EFCAB6: variants seen among roughly 807,000 people sequenced by gnomAD.
EFCAB6 encodes EF-hand calcium binding domain 6, also known as EF-hand calcium-binding domain-containing protein 6.
In EFCAB6, 156 loss-of-function variants were observed where a neutral mutation model predicts 169.8. The ratio of observed to expected loss-of-function variants is 0.92; its 90% CI spans 0.81 to 1.05. The LOEUF (loss-of-function observed/expected upper bound fraction) is 1.05. Ranked by LOEUF, EFCAB6 falls within the 50% of genes least tolerant of loss-of-function variation. EFCAB6 has a pLI of 0.00. For missense variants in EFCAB6, 1,800 were observed against 1,829.1 expected (o/e 0.98, Z 0.29); for synonymous variants, 698 against 676.4 (o/e 1.03, Z -0.50).
chr22:43,635,052 AGT>A, intron 18 of EFCAB6, 48 bp downstream of exon 18: 1 of 1,472,368 alleles, frequency 6.8e-7, no homozygotes, highest in Non-Finnish European at 9.5e-7. Context: ...AAAGACATGC[AGT>A]GTCACCCAGG....
rs1203998351 is a variant in EFCAB6, at chr22:43,558,886, G to A, written c.3421-3790C>T. On this transcript the variant is annotated intron_variant, in intron 26 of 31. Coordinates refer to ENST00000262726, the MANE Select transcript of EFCAB6 (RefSeq NM_022785.4). The stretch of plus-strand genomic sequence containing the variant: ...CTCATTTTATTGCGATATTTGCTTT[G>A]CTACGGTCTGGAACCAAACCTGCAA... Among the ~76,000 whole-genome samples, 3 of 152,062 alleles carry A rather than the reference G, an allele frequency of 2.0e-5. No homozygotes were observed. The East Asian group carries it at 5.8e-4, about 29-fold the overall frequency.
chr22:43,698,619 G>A (rs2058663164), intron 10 of EFCAB6, among the ~76,000 whole-genome samples: 2 of 152,222 alleles, frequency 1.3e-5, no homozygotes. Flanking sequence ...CTCCATTACA[G>A]AGTTGGCTAA....
chr22:43,750,521 T>C (rs2071749805), intron 6 of EFCAB6, among the ~76,000 whole-genome samples: 1 of 152,198 alleles, frequency 6.6e-6, no homozygotes, highest in African/African-American at 2.4e-5. Context: ...CCTGCTACAA[T>C]AGGCAATTAA....
intron 21 of EFCAB6, among the ~76,000 whole-genome samples, chr22:43,614,624 C>A (rs2053566150): frequency 6.6e-6 from 1 of 152,192 alleles, no homozygotes; most frequent in African/African-American, 2.4e-5. Flanking sequence ...CTTTCCTTAC[C>A]CTGAACCTAG....
chr22:43,743,977 GGATA>G lies in EFCAB6; in HGVS notation c.508-7988_508-7985del, dbSNP rs368546300. Among the ~76,000 whole-genome samples, 52 of 151,478 alleles carry G rather than the reference GGATA, an allele frequency of 3.4e-4. 1 individual carries two copies. Among genetic ancestry groups the G allele is most frequent in the Middle Eastern group, 3.4e-3 (1 of 292 alleles). On this transcript the variant is annotated intron_variant, in intron 6 of 31. Transcript: ENST00000262726. The stretch of plus-strand genomic sequence containing the variant: ...GTGAACGGATGGGTGGGTGGATGAT[GGATA>G]GATAGGTAAATGGATGAATGAATGG...
rs376039905 is a variant in EFCAB6 at position 43,528,904 on chromosome 22, C to T, written c.4455G>A (p.Thr1485=). The change falls in exon 32 of 32, where the codon ACG becomes ACA. Residue 1485 remains threonine (T), a synonymous_variant. Coordinates refer to ENST00000262726, the MANE Select transcript of EFCAB6 (RefSeq NM_022785.4). Reference sequence around the variant, plus strand: ...CGTTGTAGGAGATTTTTGAAGACAGCGTCTTATCGTAATACTCCAGAATAT... The same window carrying T: ...CGTTGTAGGAGATTTTTGAAGACAGTGTCTTATCGTAATACTCCAGAATAT... ...FFHILEYYDK[T]LSSKISYNDF... The T allele has an allele frequency of 1.9e-5, 30 of 1,610,972 alleles. No homozygotes were observed. The highest frequency in any genetic ancestry group is 2.7e-5 in the African/African-American group (2 of 74,882).
intron 17 of EFCAB6, among the ~76,000 whole-genome samples, chr22:43,653,675 A>C (rs2056594546): frequency 6.6e-6 from 1 of 152,236 alleles, no homozygotes; most frequent in South Asian, 2.1e-4. Flanking sequence ...GAAGCCACTG[A>C]GACCAGAAAC....
chr22:43,568,852 T>C (rs1303542597), intron 26 of EFCAB6, among the ~76,000 whole-genome samples: 1 of 152,202 alleles, frequency 6.6e-6, no homozygotes, highest in Non-Finnish European at 1.5e-5. Flanking sequence ...ATGTGCTTCT[T>C]CCAACTTCAC....
At chr22:43,757,909 T>C (rs1291669074) in intron 5 of EFCAB6, among the ~76,000 whole-genome samples, 2 of 152,240 alleles carry the variant, frequency 1.3e-5, no homozygotes, top group African/African-American at 4.8e-5. Context: ...TAATATTGAA[T>C]GGTATGTCTT....
chr22:43,680,474 A>G (rs2057960143), intron 12 of EFCAB6, among the ~76,000 whole-genome samples: 1 of 145,982 alleles, frequency 6.9e-6, no homozygotes, highest in Admixed American at 6.9e-5. Context: ...TTTCAAAAGC[A>G]AAAAAAAAGA....
intron 23 of EFCAB6, among the ~76,000 whole-genome samples, chr22:43,598,212 T>A (rs1271411364): frequency 1.5e-5 from 2 of 136,516 alleles, no homozygotes; most frequent in Non-Finnish European, 3.1e-5. Context: ...GAGGCTGAGG[T>A]GGGAGGATCA....
chr22:43,741,425 T>C (rs2060366308), intron 6 of EFCAB6, among the ~76,000 whole-genome samples: 1 of 152,132 alleles, frequency 6.6e-6, no homozygotes, highest in Non-Finnish European at 1.5e-5. Flanking sequence ...TTCGTTCAGG[T>C]CTCCATCCCA....
chr22:43,633,830 T>A (rs1387427314), intron 18 of EFCAB6, among the ~76,000 whole-genome samples: 1 of 152,184 alleles, frequency 6.6e-6, no homozygotes, highest in Non-Finnish European at 1.5e-5. Flanking sequence ...AGGCTGCAAG[T>A]GGCCTCCCTC....
rs905812232 is a variant in EFCAB6 at position 43,585,317 on chromosome 22, C to T, written c.3033-4658G>A. Among the ~76,000 whole-genome samples the T allele has an allele frequency of 8.6e-5, 13 of 151,110 alleles. No individual in the cohort carries two copies. The East Asian group carries it at 1.9e-3, about 23-fold the overall frequency. ...AAATTAAAAAAAAAAGCCACTGCAA[C>T]AGAAATGAAGAATGACTTTGATGCG... On this transcript the variant is annotated intron_variant, in intron 24 of 31. Transcript: ENST00000262726.
chr22:43,544,653 G>T (rs534985946), intron 27 of EFCAB6, among the ~76,000 whole-genome samples: 1 of 152,016 alleles, frequency 6.6e-6, no homozygotes, highest in Non-Finnish European at 1.5e-5. Flanking sequence ...GTTCTTGGAC[G>T]TGGGGACATC....
intron 13 of EFCAB6, among the ~76,000 whole-genome samples, chr22:43,676,863 A>G (rs2057784322): frequency 6.6e-6 from 1 of 152,200 alleles, no homozygotes; most frequent in Non-Finnish European, 1.5e-5. Context: ...CACAGAAACC[A>G]TCAGAATAGA....
rs1200845255 is a variant in EFCAB6 at position 43,744,383 on chromosome 22, T to C, written c.508-8390A>G. ...TTTCCCAGTGGATTCAGTGATCTGC[T>C]CTGCACCTACCTGGGAAGAGGAACT... is the stretch of plus-strand genomic sequence containing the variant. On this transcript the variant is annotated intron_variant, in intron 6 of 31. Transcript: ENST00000262726. The surrounding 1 kb of genome is among the most constrained non-coding windows in gnomAD (Gnocchi z 4.3). Among the ~76,000 whole-genome samples, 1 of 152,128 alleles carries C rather than the reference T, an allele frequency of 6.6e-6. No homozygotes were observed. The highest frequency in any genetic ancestry group is 2.4e-5 in the African/African-American group (1 of 41,418).
chr22:43,737,451 C>A (rs1157084003), intron 6 of EFCAB6, among the ~76,000 whole-genome samples: 1 of 148,128 alleles, frequency 6.8e-6, no homozygotes, highest in Admixed American at 6.8e-5. Flanking sequence ...CACATATATT[C>A]ATACACACAC....
chr22:43,662,757 T>A (rs1053512351), intron 17 of EFCAB6, among the ~76,000 whole-genome samples: 1 of 152,186 alleles, frequency 6.6e-6, no homozygotes, highest in Admixed American at 6.5e-5. Flanking sequence ...TCAGCAAACC[T>A]AGTCTACCCA....
Sources: allele counts gnomAD v4.1 joint callset (sites outside exome capture counted in the v4.1 genomes callset), GRCh38; gene constraint gnomAD v4.1.1; non-coding constraint Gnocchi (gnomAD v3.1); transcripts MANE v1.5; gene names NCBI Gene and HGNC (gene_info 2026-07-23, HGNC 2026-07-21).